The following ZBTB16 variants were observed in gnomAD, a reference collection of about 807,000 sequenced individuals.
ZBTB16 encodes the protein zinc finger and BTB domain-containing protein 16.
In ZBTB16, 8 loss-of-function variants were observed where a neutral mutation model predicts 56.8. The observed-to-expected ratio is 0.14, with a 90% confidence interval of 0.08 to 0.25. The LOEUF is 0.25. Ranked by LOEUF, ZBTB16 falls within the 10% of genes least tolerant of loss-of-function variation. ZBTB16 has a pLI of 1.00. For missense variants in ZBTB16, 625 were observed against 903.0 expected (o/e 0.69, Z 3.95); for synonymous variants, 363 against 368.5 (o/e 0.98, Z 0.17).
rs138680554 is a variant in ZBTB16, at chr11:114,181,969, T to A, written c.1367-4983T>A. On this transcript the variant is annotated intron_variant, in intron 3 of 6. Coordinates refer to ENST00000335953, the MANE Select transcript of ZBTB16 (RefSeq NM_006006.6). ...CTTGCTCTATGCAGATGTCAGTGCATCAGCAAGGGCCTCCCTGACTACGCT... is the reference window on the plus strand; with the variant it reads ...CTTGCTCTATGCAGATGTCAGTGCAACAGCAAGGGCCTCCCTGACTACGCT... Among the ~76,000 whole-genome samples the A allele has an allele frequency of 6.0e-3, 908 of 152,292 alleles. 10 individuals carry two copies. The highest frequency in any genetic ancestry group is 0.021 in the African/African-American group (860 of 41,546).
rs779160251 is a variant in ZBTB16, at chr11:114,156,370, C to T, written c.1302C>T (p.Cys434=). Residue 434 remains cysteine (C), a synonymous_variant, in exon 3 of 7, where the codon TGC becomes TGT. Coordinates refer to ENST00000335953, the MANE Select transcript of ZBTB16 (RefSeq NM_006006.6). ...ACAGTGGGATGAAGACGTACGGGTG[C>T]GAGCTCTGCGGGAAGCGGTTCCTGG... ...KLHSGMKTYG[C]ELCGKRFLDS... is the part of the protein sequence containing the mutation. The T allele has an allele frequency of 9.3e-6, 15 of 1,614,094 alleles. No homozygotes were observed. In the Admixed American group the frequency reaches 1.3e-4, roughly 14 times the overall value.
At chr11:114,148,683 C>T (rs1021661667) in intron 2 of ZBTB16, among the ~76,000 whole-genome samples, 4 of 151,280 alleles carry the variant, frequency 2.6e-5, no homozygotes, top group Non-Finnish European at 5.9e-5. Flanking sequence ...TTAGTAGAGA[C>T]GGGGTTTCAC....
chr11:114,092,850 A>G (rs937479051), intron 2 of ZBTB16, among the ~76,000 whole-genome samples: 6 of 152,104 alleles, frequency 3.9e-5, no homozygotes, highest in South Asian at 4.2e-4. Context: ...AGTATCCCCA[A>G]TCTTCCTCCC....
chr11:114,121,926 T>G lies in ZBTB16; in HGVS notation c.1269-34411T>G, dbSNP rs56840852. On this transcript the variant is annotated intron_variant, in intron 2 of 6. Transcript: ENST00000335953. ...TGACCCTGTGTTTGGTAAGTTTGGC[T>G]GCAAGGTACTGGCTGTCCTCTAAGA... The G allele has an allele frequency of 3.1e-4, 136 of 445,898 alleles. 3 individuals are homozygous for G. The East Asian group carries it at 7.0e-3, about 23-fold the overall frequency. 27.6% of individuals were successfully genotyped at this position (445,898 alleles called of 1,614,324 possible).
chr11:114,224,571 C>A (rs1325699650), intron 4 of ZBTB16, among the ~76,000 whole-genome samples: 1 of 152,026 alleles, frequency 6.6e-6, no homozygotes, highest in African/African-American at 2.4e-5. Context: ...TTGGAGTTGT[C>A]ATCAACATAT....
rs368680067 is a variant in ZBTB16 at position 114,246,631 on chromosome 11, C to T, written c.1625-567C>T. On this transcript the variant is annotated intron_variant, in intron 5 of 6. Coordinates refer to ENST00000335953, the MANE Select transcript of ZBTB16 (RefSeq NM_006006.6). Reference sequence around the variant, plus strand: ...CTGGGGAACTAAAGGGAAGCGTCCACGCGGGGGTATCATATGAGCTGGGCT... The same window carrying T: ...CTGGGGAACTAAAGGGAAGCGTCCATGCGGGGGTATCATATGAGCTGGGCT... Among the ~76,000 whole-genome samples, 9 of 152,220 alleles carry T rather than the reference C, an allele frequency of 5.9e-5. No homozygotes were observed. The East Asian group carries it at 9.7e-4, about 16-fold the overall frequency.
At chr11:114,205,191 C>G (rs1030823126) in intron 4 of ZBTB16, among the ~76,000 whole-genome samples, 5 of 151,970 alleles carry the variant, frequency 3.3e-5, no homozygotes, top group African/African-American at 1.2e-4. Flanking sequence ...GGGCGGATCA[C>G]GAGGTCAGGA....
intron 4 of ZBTB16, among the ~76,000 whole-genome samples, chr11:114,211,165 A>G (rs929369259): frequency 6.6e-6 from 1 of 151,838 alleles, no homozygotes; most frequent in African/African-American, 2.4e-5. Context: ...CAGTTCATCC[A>G]CCCTCCTTGG....
At chr11:114,121,927 G>A (rs1038813230) in intron 2 of ZBTB16, 1 of 444,844 alleles carries the variant, frequency 2.2e-6, no homozygotes, top group African/African-American at 2.0e-5. Flanking sequence ...AAGTTTGGCT[G>A]CAAGGTACTG....
At chr11:114,096,367 A>G (rs1156276012) in intron 2 of ZBTB16, among the ~76,000 whole-genome samples, 1 of 152,182 alleles carries the variant, frequency 6.6e-6, no homozygotes, top group Admixed American at 6.5e-5. Flanking sequence ...TATCTTAAAG[A>G]GATACACACA....
intron 4 of ZBTB16, among the ~76,000 whole-genome samples, chr11:114,217,829 C>T (rs1026358417): frequency 3.9e-5 from 6 of 152,160 alleles, no homozygotes; most frequent in Admixed American, 1.3e-4. Context: ...CAGCCAGCTC[C>T]TTAGGCTCCC....
chr11:114,195,766 C>T (rs1049893061), intron 4 of ZBTB16, among the ~76,000 whole-genome samples: 2 of 152,152 alleles, frequency 1.3e-5, no homozygotes, highest in South Asian at 2.1e-4. Flanking sequence ...TTTCTCTCAT[C>T]GCATCATCCT....
chr11:114,184,468 T>G (rs1943319517), intron 3 of ZBTB16, among the ~76,000 whole-genome samples: 1 of 152,200 alleles, frequency 6.6e-6, no homozygotes, highest in African/African-American at 2.4e-5. Context: ...AGATGGGAGC[T>G]CAGACCCCAC....
chr11:114,149,401 G>A (rs1942229906), intron 2 of ZBTB16, among the ~76,000 whole-genome samples: 3 of 152,050 alleles, frequency 2.0e-5, no homozygotes, highest in Admixed American at 1.3e-4. Flanking sequence ...CAACCAAATG[G>A]CCACTGTCTT....
intron 6 of ZBTB16, among the ~76,000 whole-genome samples, chr11:114,247,931 C>G (rs1944847484): frequency 6.6e-6 from 1 of 150,618 alleles, no homozygotes; most frequent in South Asian, 2.1e-4. Flanking sequence ...GAGTTTCGCT[C>G]TTATTGGCCA....
At chr11:114,177,297 C>G (rs963931368) in intron 3 of ZBTB16, among the ~76,000 whole-genome samples, 1 of 152,218 alleles carries the variant, frequency 6.6e-6, no homozygotes, top group African/African-American at 2.4e-5. Context: ...TGTTGCCAGG[C>G]TGGAGTGCAG....
At chr11:114,222,847 C>T (rs918186927) in intron 4 of ZBTB16, among the ~76,000 whole-genome samples, 4 of 152,116 alleles carry the variant, frequency 2.6e-5, no homozygotes, top group Admixed American at 1.3e-4. Flanking sequence ...TGAGGAGGGA[C>T]GAAAACCCAC....
At chr11:114,167,234 T>C (rs1429869135) in intron 3 of ZBTB16, among the ~76,000 whole-genome samples, 1 of 91,692 alleles carries the variant, frequency 1.1e-5, no homozygotes, top group African/African-American at 7.0e-5. Flanking sequence ...TTTTTTTGGT[T>C]TTTTTTTTTT....
intron 2 of ZBTB16, among the ~76,000 whole-genome samples, chr11:114,078,611 T>A (rs1163293644): frequency 6.6e-6 from 1 of 152,132 alleles, no homozygotes; most frequent in Non-Finnish European, 1.5e-5. Flanking sequence ...AGGGGGCATC[T>A]ACTGGGACAG....
Sources: allele counts gnomAD v4.1 joint callset (sites outside exome capture counted in the v4.1 genomes callset), GRCh38; gene constraint gnomAD v4.1.1; transcripts MANE v1.5; gene names NCBI Gene and HGNC (gene_info 2026-07-23, HGNC 2026-07-21).